The following PGLYRP3 variants were observed in gnomAD, a reference collection of about 807,000 sequenced individuals.
The protein encoded by PGLYRP3 is peptidoglycan recognition protein I alpha.
A neutral mutation model predicts 36.0 loss-of-function variants in PGLYRP3; 39 were observed. The ratio of observed to expected loss-of-function variants is 1.08; its 90% CI spans 0.84 to 1.41. The LOEUF is 1.41. PGLYRP3 is among the 40% of genes most tolerant of loss of function. The pLI is 0.00. For synonymous variants in PGLYRP3, 204 were observed against 172.8 expected, an observed-to-expected ratio of 1.18 and a Z score of -1.42; for missense variants, 407 against 427.9, an observed-to-expected ratio of 0.95 and a Z score of 0.43.
intron 2 of PGLYRP3, among the ~76,000 whole-genome samples, chr1:153,307,989 C>T (rs1284216879): frequency 3.0e-5 from 4 of 134,394 alleles, no homozygotes; most frequent in Admixed American, 2.3e-4. Flanking sequence ...GTTTTTTCTC[C>T]TTCTCTCTCT....
Position 153,297,876 on chromosome 1 carries a change from T to C in PGLYRP3, c.*80A>G. On this transcript the variant is annotated 3_prime_UTR_variant, in exon 8 of 8. Coordinates refer to ENST00000683862, the MANE Select transcript of PGLYRP3 (RefSeq NM_052891.3). ...GCTGGCAGGGGAGGGGGACACAAGG[T>C]GCTGAGCCACCTTGGCTGGTGAGGG... is the stretch of plus-strand genomic sequence containing the variant. The C allele has an allele frequency of 6.7e-7, 1 of 1,501,668 alleles. No individual in the cohort carries two copies. The allele number at this position is 1,501,668 out of a possible 1,614,324, so 93.0% of individuals were successfully genotyped here.
intron 6 of PGLYRP3, 134 bp from the exon 7 acceptor site, chr1:153,299,365 T>C (rs1302048936): frequency 4.2e-6 from 3 of 719,992 alleles, no homozygotes; most frequent in Non-Finnish European, 7.1e-6. Context: ...TATGTGCCAA[T>C]GTGGACAAGG....
chr1:153,304,114 T>C, intron 4 of PGLYRP3, 105 bp from the exon 5 acceptor site: 1 of 1,130,466 alleles, frequency 8.8e-7, no homozygotes, highest in Non-Finnish European at 1.2e-6. Context: ...AATAACTGGA[T>C]TGGAAGAGAG....
Position 153,310,619 on chromosome 1 carries a change from T to C in PGLYRP3, c.47A>G (p.Gln16Arg), listed in dbSNP as rs1224062696. The change falls in exon 2 of 8, where the codon CAG (glutamine) becomes CGG (arginine). Residue 16 changes from glutamine (Q) to arginine (R), a missense_variant. By Grantham distance (43) the Gln-to-Arg change is conservative. Coordinates refer to ENST00000683862, the MANE Select transcript of PGLYRP3 (RefSeq NM_052891.3). ...WLLAFFILGL[Q>R]AWDTPTIVSR... ...AAGTAAATAAAACTTACCCCAAGCC[T>C]GGAGACCCAGAATGAAGAAGGCAAG... 3 of 1,614,142 alleles carry C rather than the reference T, an allele frequency of 1.9e-6. No homozygotes were observed. The Admixed American group carries it at 5.0e-5, about 27-fold the overall frequency.
chr1:153,300,352 A>G (rs1659558647), intron 6 of PGLYRP3, among the ~76,000 whole-genome samples: 1 of 152,228 alleles, frequency 6.6e-6, no homozygotes, highest in South Asian at 2.1e-4. Flanking sequence ...AGCCTTGATT[A>G]GAGACTCATC....
chr1:153,304,994 C>T lies in PGLYRP3; in HGVS notation c.329G>A (p.Gly110Asp). ...GWNIQGLHTQ[G>D]YNNISLGIAF... The stretch of plus-strand genomic sequence containing the variant: ...GATGCCCAGGGAAATGTTGTTGTAG[C>T]CCTGGGTGTGCAAGCCTTGGATGTT... The change falls in exon 4 of 8, where the codon GGC becomes GAC. Residue 110 changes from glycine to aspartate, a missense_variant. Physicochemically the swap from Gly to Asp is moderately conservative, Grantham distance 94 (BLOSUM62 -1). Coordinates refer to ENST00000683862, the MANE Select transcript of PGLYRP3 (RefSeq NM_052891.3). The T allele has an allele frequency of 6.2e-7, 1 of 1,613,882 alleles. No individual in the cohort carries two copies. Among genetic ancestry groups the T allele is most frequent in the Non-Finnish European group, 8.5e-7 (1 of 1,179,878 alleles).
rs1659474510 is a variant in PGLYRP3 at position 153,297,731 on chromosome 1, AAG to A, written c.*223_*224del. On this transcript the variant is annotated 3_prime_UTR_variant, in exon 8 of 8. Transcript: ENST00000683862. ...AAGTGCCCAGGGGAGAGGTAGGTAA[AAG>A]AGAGGGGAAGTCTAAACTCAGACCA... is the stretch of plus-strand genomic sequence containing the variant. The A allele has an allele frequency of 8.4e-6, 4 of 474,132 alleles. No individual in the cohort carries two copies. In the Admixed American group the frequency reaches 1.5e-4, roughly 17 times the overall value. 29.4% of individuals were successfully genotyped at this position (474,132 alleles called of 1,614,324 possible).
chr1:153,303,999 G>A lies in PGLYRP3; in HGVS notation c.387C>T (p.Pro129=), dbSNP rs1433513323. 1.2e-6 allele frequency: 2 copies of A among 1,612,792 alleles called. No homozygotes were observed. The highest frequency in any genetic ancestry group is 8.5e-7 in the Non-Finnish European group (1 of 1,179,196). ...AFFGNKIGSS[P]SPAALSAAEG... ...CTGCAGCTGATAAGGCAGCAGGGCTGGGACTGCTGCCTTAAAGAGGAGGAC... is the reference window on the plus strand; with the variant it reads ...CTGCAGCTGATAAGGCAGCAGGGCTAGGACTGCTGCCTTAAAGAGGAGGAC... Residue 129 remains proline, a synonymous_variant, in exon 5 of 8, where the codon CCC becomes CCT. Transcript: ENST00000683862.
rs1659930259 is a variant in PGLYRP3, at chr1:153,312,849, G to A, written c.-248C>T. 6.6e-6 allele frequency among the ~76,000 whole-genome samples: 1 copy of A among 152,198 alleles called. No homozygotes were observed. Among genetic ancestry groups the A allele is most frequent in the Non-Finnish European group, 1.5e-5 (1 of 68,038 alleles). ...CACTTGGGCTCTGGCTTCCCAGAGAGAAGAGGAGAGCCCAGGATCCCTAAC... is the reference window on the plus strand; with the variant it reads ...CACTTGGGCTCTGGCTTCCCAGAGAAAAGAGGAGAGCCCAGGATCCCTAAC... On this transcript the variant is annotated 5_prime_UTR_variant, in exon 1 of 8. Coordinates refer to ENST00000683862, the MANE Select transcript of PGLYRP3 (RefSeq NM_052891.3).
At position 153,297,907 on chromosome 1, in the gene PGLYRP3, G is replaced by A. The variant is rs1297295048; in HGVS notation, c.*49C>T. 6.3e-7 allele frequency: 1 copy of A among 1,594,890 alleles called. No individual in the cohort carries two copies. Among genetic ancestry groups the A allele is most frequent in the African/African-American group, 1.3e-5 (1 of 74,710 alleles). On this transcript the variant is annotated 3_prime_UTR_variant, in exon 8 of 8. Transcript: ENST00000683862. The stretch of plus-strand genomic sequence containing the variant: ...GCCACCTTGGCTGGTGAGGGTTGGA[G>A]AGACCCAGCAGGGGAGGGAGGGCAG...
At chr1:153,304,869 T>G in intron 4 of PGLYRP3, 78 bp downstream of exon 4, 105 of 1,037,362 alleles carry the variant, frequency 1.0e-4, no homozygotes, top group Non-Finnish European at 1.4e-4. Flanking sequence ...GGTAAAAAGA[T>G]GAGTGTTGAC....
Position 153,310,685 on chromosome 1 carries a change from C to A in PGLYRP3, c.-20G>T. 6.2e-7 allele frequency: 1 copy of A among 1,612,948 alleles called. No homozygotes were observed. Among genetic ancestry groups the A allele is most frequent in the Non-Finnish European group, 8.5e-7 (1 of 1,179,170 alleles). ...CCCCATGTGGTCCCAGGACTCTGACCGGGAGAGTGTGGACGGCAGCCCTGG... is the reference window on the plus strand; with the variant it reads ...CCCCATGTGGTCCCAGGACTCTGACAGGGAGAGTGTGGACGGCAGCCCTGG... On this transcript the variant is annotated 5_prime_UTR_variant, in exon 2 of 8. Transcript: ENST00000683862.
rs556170676 is a variant in PGLYRP3, at chr1:153,312,693, G to A, written c.-92C>T. On this transcript the variant is annotated 5_prime_UTR_variant, in exon 1 of 8. Coordinates refer to ENST00000683862, the MANE Select transcript of PGLYRP3 (RefSeq NM_052891.3). The stretch of plus-strand genomic sequence containing the variant: ...CAGCAGGTCAGGGTGCAGTCGGCTC[G>A]CCCCTGATTGGCCAGCAGCTCCTTC... Among the ~76,000 whole-genome samples, 2 of 152,034 alleles carry A rather than the reference G, an allele frequency of 1.3e-5. No individual in the cohort carries two copies. The highest frequency in any genetic ancestry group is 3.9e-4 in the East Asian group (2 of 5,154).
chr1:153,300,095 G>A, intron 6 of PGLYRP3, among the ~76,000 whole-genome samples: 1 of 152,100 alleles, frequency 6.6e-6, no homozygotes, highest in Non-Finnish European at 1.5e-5. Flanking sequence ...GTCTCTCTGA[G>A]TCTGCTATGA....
chr1:153,306,708 G>A (rs534139281), intron 3 of PGLYRP3, among the ~76,000 whole-genome samples: 2 of 152,304 alleles, frequency 1.3e-5, no homozygotes, highest in East Asian at 1.9e-4. Flanking sequence ...AATATGGGTA[G>A]GAACCCATTT....
chr1:153,305,239 T>A (rs781161477), intron 3 of PGLYRP3, among the ~76,000 whole-genome samples, 174 bp from the exon 4 acceptor site: 2 of 152,320 alleles, frequency 1.3e-5, no homozygotes, highest in Middle Eastern at 3.4e-3. Context: ...CATGGGAATA[T>A]ATTTTAATTT....
At position 153,312,886 on chromosome 1, in the gene PGLYRP3, G is replaced by A. The variant is rs1333735074; in HGVS notation, c.-285C>T. Among the ~76,000 whole-genome samples, 2 of 152,224 alleles carry A rather than the reference G, an allele frequency of 1.3e-5. No individual in the cohort carries two copies. The highest frequency in any genetic ancestry group is 2.9e-5 in the Non-Finnish European group (2 of 68,044). ...CCAGGATCCCTAACAAAAGATGGAA[G>A]AGAAGAGAAAGGCAGAGGGCTGAGG... On this transcript the variant is annotated 5_prime_UTR_variant, in exon 1 of 8. Coordinates refer to ENST00000683862, the MANE Select transcript of PGLYRP3 (RefSeq NM_052891.3).
At chr1:153,302,729 C>T (rs1571102176) in intron 5 of PGLYRP3, 122 bp from the exon 6 acceptor site, 2 of 871,808 alleles carry the variant, frequency 2.3e-6, no homozygotes, top group Middle Eastern at 3.5e-4. Context: ...ACGGGCACAT[C>T]CTAATGTAAT....
intron 2 of PGLYRP3, among the ~76,000 whole-genome samples, chr1:153,308,975 C>T (rs1273207940): frequency 6.9e-6 from 1 of 145,500 alleles, no homozygotes; most frequent in Non-Finnish European, 1.5e-5. Context: ...CATACCAAGA[C>T]AGTTGTGACA....
Sources: gnomAD v4.1 joint callset for allele counts (sites outside exome capture counted in the v4.1 genomes callset) on GRCh38, gnomAD v4.1.1 for gene constraint, MANE v1.5 for transcripts, NCBI Gene and HGNC (gene_info 2026-07-23, HGNC 2026-07-21) for gene names.